AFF4: variants seen among roughly 807,000 people sequenced by gnomAD.
The protein encoded by AFF4 is ALF transcription elongation factor 4, also known as AF4/FMR2 family member 4.
Under a neutral mutation model 124.8 loss-of-function variants are expected in AFF4, and 13 were observed. The observed-to-expected ratio is 0.10, with a 90% CI of 0.07 to 0.17. The LOEUF (loss-of-function observed/expected upper bound fraction) is 0.17. AFF4 is among the 10% of genes least tolerant of loss of function. The pLI, the probability that AFF4 is intolerant of heterozygous loss-of-function variation, is 1.00. For missense variants in AFF4, 1,092 were observed against 1,403.8 expected (o/e 0.78, Z 3.55); for synonymous variants, 477 against 496.1 (o/e 0.96, Z 0.51).
At chr5:132,911,196 C>T (rs569715741) in intron 5 of AFF4, among the ~76,000 whole-genome samples, 10 of 152,184 alleles carry the variant, frequency 6.6e-5, no homozygotes, top group Non-Finnish European at 1.3e-4. Flanking sequence ...AAACACTCCC[C>T]GACATCACCA....
intron 3 of AFF4, 27 bp downstream of exon 3, chr5:132,934,120 G>A: frequency 6.3e-7 from 1 of 1,589,650 alleles, no homozygotes; most frequent in Non-Finnish European, 8.6e-7. Flanking sequence ...TAGTCACAAT[G>A]TTAAAAGCTC....
In AFF4 at chr5:132,897,096, C is replaced by T; in HGVS notation, c.1534G>A (p.Gly512Arg). 1 of 1,614,154 alleles carries T rather than the reference C, an allele frequency of 6.2e-7. No homozygotes were observed. The highest frequency in any genetic ancestry group is 8.5e-7 in the Non-Finnish European group (1 of 1,180,036). The change falls in exon 11 of 21, where the codon GGG (glycine) becomes AGG (arginine). Residue 512 changes from glycine to arginine, a missense_variant. Gly to Arg is a moderately radical substitution (Grantham distance 125, BLOSUM62 -2). Around this residue, in one of 11 missense-constraint regions of AFF4, gnomAD observed 174 missense variants for 205.9 expected, o/e 0.84. Coordinates refer to ENST00000265343, the MANE Select transcript of AFF4 (RefSeq NM_014423.4). The part of the protein sequence containing the change: ...YKKEGREQGT[G>R]NSYTDTSGPK... The stretch of plus-strand genomic sequence containing the variant: ...CCACTTGTATCAGTGTAGCTATTCC[C>T]AGTGCCCTGCTCTCGGCCTTCCTTT...
chr5:132,928,821 G>A (rs1448592151), intron 4 of AFF4, among the ~76,000 whole-genome samples: 1 of 152,142 alleles, frequency 6.6e-6, no homozygotes, highest in Non-Finnish European at 1.5e-5. Context: ...AAGGGCACTT[G>A]ATATATTACT....
At chr5:132,960,539 C>T (rs748243944) in intron 1 of AFF4, among the ~76,000 whole-genome samples, 1 of 152,126 alleles carries the variant, frequency 6.6e-6, no homozygotes, top group Non-Finnish European at 1.5e-5. Context: ...CATAAAACTA[C>T]GGCATTTACC....
At chr5:132,949,625 G>C (rs1261582968) in intron 1 of AFF4, among the ~76,000 whole-genome samples, 1 of 151,508 alleles carries the variant, frequency 6.6e-6, no homozygotes, top group Admixed American at 6.6e-5. Flanking sequence ...TCCTGCGGGT[G>C]GATCACGAGG....
intron 2 of AFF4, 103 bp downstream of exon 2, chr5:132,936,964 T>G (rs1761446939): frequency 2.1e-6 from 3 of 1,411,600 alleles, no homozygotes; most frequent in East Asian, 2.4e-5. Flanking sequence ...TTAAGTGGTA[T>G]TCATAGTAAT....
At chr5:132,953,571 T>C (rs1029254619) in intron 1 of AFF4, among the ~76,000 whole-genome samples, 2 of 152,086 alleles carry the variant, frequency 1.3e-5, no homozygotes, top group Non-Finnish European at 2.9e-5. Context: ...AAAATCTCAA[T>C]CTTAATACAT....
intron 1 of AFF4, among the ~76,000 whole-genome samples, chr5:132,938,478 C>A (rs1465011524): frequency 5.3e-5 from 8 of 151,646 alleles, no homozygotes; most frequent in African/African-American, 1.9e-4. Flanking sequence ...GTTGGCCAGG[C>A]CAGGCTGGAC....
chr5:132,886,052 G>A (rs1213081698), intron 18 of AFF4, among the ~76,000 whole-genome samples: 19 of 152,176 alleles, frequency 1.2e-4, no homozygotes, highest in Non-Finnish European at 5.9e-5. Flanking sequence ...GATTACAGGC[G>A]TGAGCCACCG....
At chr5:132,917,884 TG>T (rs1760951860) in intron 5 of AFF4, among the ~76,000 whole-genome samples, 1 of 141,776 alleles carries the variant, frequency 7.1e-6, no homozygotes, top group Admixed American at 7.4e-5. Flanking sequence ...AGCTAATTTT[TG>T]TATTTTTTTA....
At chr5:132,905,560 T>C (rs564927308) in intron 5 of AFF4, among the ~76,000 whole-genome samples, 4 of 152,306 alleles carry the variant, frequency 2.6e-5, no homozygotes, top group East Asian at 1.9e-4. Context: ...GACCATTATA[T>C]GGGAAAGAAT....
At position 132,934,836 on chromosome 5, in the gene AFF4, T is replaced by C. The variant is rs372069594; in HGVS notation, c.229A>G (p.Ile77Val). ...GDRSIPKLVA[I>V]PKPTVPPSAD... ...GATGGTGGTACTGTAGGCTTGGGAATTGCAACAAGCTTTGGTATAGATCTG... is the reference window on the plus strand; with the variant it reads ...GATGGTGGTACTGTAGGCTTGGGAACTGCAACAAGCTTTGGTATAGATCTG... Residue 77 changes from isoleucine to valine, a missense_variant, in exon 3 of 21, where the codon ATT (isoleucine) becomes GTT (valine). Ile to Val is a conservative substitution (Grantham distance 29). Around this residue, in one of 11 missense-constraint regions of AFF4, gnomAD observed 35 missense variants for 70.9 expected, o/e 0.49. Transcript: ENST00000265343. 14 of 1,614,000 alleles carry C rather than the reference T, an allele frequency of 8.7e-6. No homozygotes were observed. The highest frequency in any genetic ancestry group is 6.7e-5 in the African/African-American group (5 of 74,894).
At chr5:132,928,996 G>C (rs1190288786) in intron 4 of AFF4, among the ~76,000 whole-genome samples, 1 of 152,138 alleles carries the variant, frequency 6.6e-6, no homozygotes, top group African/African-American at 2.4e-5. Context: ...TATGACCACT[G>C]TATTCCCAGT....
chr5:132,927,352 A>G (rs1761195488), intron 4 of AFF4, 145 bp from the exon 5 acceptor site: 1 of 660,830 alleles, frequency 1.5e-6, no homozygotes, highest in Non-Finnish European at 2.6e-6. Flanking sequence ...ATTAAGCACA[A>G]TTGTGTGCTA....
chr5:132,887,528 C>G lies in AFF4; in HGVS notation c.2998G>C (p.Val1000Leu). The change falls in exon 17 of 21, where the codon GTA (valine) becomes CTA (leucine). Residue 1000 changes from valine (V) to leucine (L), a missense_variant. Val to Leu is a conservative substitution (Grantham distance 32, BLOSUM62 1). Around this residue, in one of 11 missense-constraint regions of AFF4, gnomAD observed 173 missense variants for 294.9 expected, o/e 0.59. Coordinates refer to ENST00000265343, the MANE Select transcript of AFF4 (RefSeq NM_014423.4). ...AGAACACAGAAAACTCACCAAAGTA[C>G]TGTGAGTCGTTTATCTGCAGCTGTA... Reference protein sequence around the residue: ...DATAADKRLTVLCLRCESLLY... With the variant: ...DATAADKRLTLLCLRCESLLY... 6.2e-7 allele frequency: 1 copy of G among 1,613,600 alleles called. No homozygotes were observed. Among genetic ancestry groups the G allele is most frequent in the Non-Finnish European group, 8.5e-7 (1 of 1,179,542 alleles).
chr5:132,920,328 G>A (rs1468104888), intron 5 of AFF4, among the ~76,000 whole-genome samples: 2 of 151,146 alleles, frequency 1.3e-5, no homozygotes, highest in African/African-American at 2.4e-5. Context: ...GGGATTACAG[G>A]TGTGAGCCAC....
At chr5:132,892,049 A>G (rs763686682) in intron 13 of AFF4, 115 bp downstream of exon 13, 4 of 1,335,996 alleles carry the variant, frequency 3.0e-6, no homozygotes, top group African/African-American at 1.5e-5. Context: ...GGTAAAAGAC[A>G]TAGGCCTATA....
intron 5 of AFF4, among the ~76,000 whole-genome samples, chr5:132,912,866 C>CAG (rs1649444913): frequency 6.6e-6 from 1 of 151,688 alleles, no homozygotes; most frequent in Admixed American, 6.6e-5. Context: ...CACACACACA[C>CAG]ACACACACAC....
chr5:132,902,508 T>G (rs1442716469), intron 6 of AFF4, 21 bp from the exon 7 acceptor site: 1 of 1,585,304 alleles, frequency 6.3e-7, no homozygotes, highest in Admixed American at 1.7e-5. Context: ...AAGAATGAAG[T>G]GAGCAACTAA....
Sources: gnomAD v4.1 joint callset for allele counts (sites outside exome capture counted in the v4.1 genomes callset) on GRCh38, gnomAD v4.1.1 for gene constraint, gnomAD v4.1.1 regional missense constraint, MANE v1.5 for transcripts, NCBI Gene and HGNC (gene_info 2026-07-23, HGNC 2026-07-21) for gene names.